Variants in LYZL2 observed in about 807,000 individuals in gnomAD.
The protein encoded by LYZL2 is lysozyme like 2.
LYZL2 carries 13 observed loss-of-function variants against 17.1 expected under a neutral mutation model. The observed-to-expected ratio is 0.76, with a 90% CI of 0.49 to 1.21. The LOEUF (loss-of-function observed/expected upper bound fraction) is 1.21, where lower values mean the gene tolerates loss of function less well. Ranked by LOEUF, LYZL2 falls within the 50% of genes most tolerant of loss-of-function variation. The probability of loss-of-function intolerance (pLI) is 0.00; values close to 1 mark genes in which losing one functional copy is unlikely to be tolerated. For missense variants in LYZL2, 166 were observed against 189.2 expected (o/e 0.88, Z 0.72); for synonymous variants, 63 against 74.4 (o/e 0.85, Z 0.79).
Position 30,626,275 on chromosome 10 carries a change from A to G in LYZL2, c.140-12T>C, listed in dbSNP as rs764006162. ...CGCCATGCAGATCCCTGGAGGGGGG[A>G]AAGCCAGAAACGCCAGCAAAGGAGG... On this transcript the variant is annotated splice_polypyrimidine_tract_variant and intron_variant, in intron 2 of 4. Coordinates refer to ENST00000647634, the MANE Select transcript of LYZL2 (RefSeq NM_183058.3). 3.1e-6 allele frequency: 5 copies of G among 1,611,984 alleles called. No homozygotes were observed. In the African/African-American group the frequency reaches 6.7e-5, roughly 22 times the overall value.
At chr10:30,623,083 G>C (rs1359339279) in intron 3 of LYZL2, among the ~76,000 whole-genome samples, 1 of 152,192 alleles carries the variant, frequency 6.6e-6, no homozygotes, top group Non-Finnish European at 1.5e-5. Flanking sequence ...AGTGATAAAA[G>C]AGTCAATTCA....
At chr10:30,609,942 A>G (rs1232981185), downstream of LYZL2, among the ~76,000 whole-genome samples, 3 of 152,172 alleles carry the variant, frequency 2.0e-5, no homozygotes, top group African/African-American at 7.2e-5. Flanking sequence ...AAAAAGATAC[A>G]TGAGTCTAAT....
In LYZL2 at chr10:30,624,522, T is replaced by C. The variant is rs1195675265; in HGVS notation, c.298+1583A>G. ...TTGCCATGGTTTTTCTATGATTTGA[T>C]CAGATCCTTGTAAGTAGAGTCTATT... On this transcript the variant is annotated intron_variant, in intron 3 of 4. Coordinates refer to ENST00000647634, the MANE Select transcript of LYZL2 (RefSeq NM_183058.3). Among the ~76,000 whole-genome samples the C allele has an allele frequency of 2.0e-5, 3 of 152,228 alleles. No homozygotes were observed. In the South Asian group the frequency reaches 6.2e-4, roughly 32 times the overall value.
At chr10:30,615,883 T>C (rs1484240018) in intron 3 of LYZL2, among the ~76,000 whole-genome samples, 1 of 46,274 alleles carries the variant, frequency 2.2e-5, no homozygotes, top group African/African-American at 1.6e-4. Flanking sequence ...ATAGCACTGG[T>C]TTAGAAAAAA....
intron 1 of LYZL2, among the ~76,000 whole-genome samples, chr10:30,629,052 G>A (rs1258088373): frequency 7.2e-5 from 11 of 152,212 alleles, no homozygotes; most frequent in Admixed American, 7.2e-4. Context: ...AGTCCGTGGT[G>A]TACAGCATTG....
At chr10:30,625,741 A>C (rs528041389) in intron 3 of LYZL2, among the ~76,000 whole-genome samples, 1 of 152,336 alleles carries the variant, frequency 6.6e-6, no homozygotes, top group East Asian at 1.9e-4. Flanking sequence ...TGCTCAAAGA[A>C]GTACAAACTG....
In LYZL2 at chr10:30,612,942, G is replaced by A. The variant is rs112918769; in HGVS notation, c.299-42C>T. 331 of 1,487,462 alleles carry A rather than the reference G, an allele frequency of 2.2e-4. 4 individuals are homozygous for A. In the African/African-American group the frequency reaches 3.8e-3, roughly 17 times the overall value. The allele number at this position is 1,487,462 out of a possible 1,614,324, so 92.1% of individuals were successfully genotyped here. On this transcript the variant is annotated intron_variant, in intron 3 of 4. Transcript: ENST00000647634. ...CATCAGGGTTAGGCGAGACTTTGTT[G>A]TTGGAGAGGGACCCCAACTCAAGTT... is the stretch of plus-strand genomic sequence containing the variant.
intron 1 of LYZL2, among the ~76,000 whole-genome samples, 175 bp from the exon 2 acceptor site, chr10:30,627,115 G>C (rs1838726262): frequency 6.6e-6 from 1 of 152,172 alleles, no homozygotes; most frequent in South Asian, 2.1e-4. Context: ...ACTGCAGGCT[G>C]TCTCCTTAAT....
At chr10:30,614,258 T>C (rs2132936102) in intron 3 of LYZL2, among the ~76,000 whole-genome samples, 1 of 152,304 alleles carries the variant, frequency 6.6e-6, no homozygotes, top group Middle Eastern at 3.4e-3. Context: ...ATGAAAGGAA[T>C]CGGCTGGGGG....
At chr10:30,629,248 G>A (rs1236798587) in intron 1 of LYZL2, among the ~76,000 whole-genome samples, 8 of 152,120 alleles carry the variant, frequency 5.3e-5, no homozygotes, top group African/African-American at 1.2e-4. Flanking sequence ...ACAAAAATTA[G>A]CCAGGCATAG....
downstream of LYZL2, among the ~76,000 whole-genome samples, chr10:30,610,122 T>TA (rs5784209): frequency 8.7e-5 from 13 of 150,270 alleles, no homozygotes; most frequent in South Asian, 2.1e-4. Flanking sequence ...GCTGATGAGC[T>TA]AAAAAAAAAA....
intron 1 of LYZL2, among the ~76,000 whole-genome samples, chr10:30,627,612 A>C (rs1264168318): frequency 6.6e-6 from 1 of 152,226 alleles, no homozygotes; most frequent in Admixed American, 6.5e-5. Context: ...TTATTGTAAG[A>C]ATCCAGTATA....
chr10:30,616,433 C>T (rs1265111988), intron 3 of LYZL2, among the ~76,000 whole-genome samples: 1 of 152,218 alleles, frequency 6.6e-6, no homozygotes, highest in African/African-American at 2.4e-5. Context: ...GCCTATAATC[C>T]CAGCACTTTG....
chr10:30,622,563 A>G (rs1446508715), intron 3 of LYZL2, among the ~76,000 whole-genome samples: 3 of 92,626 alleles, frequency 3.2e-5, no homozygotes, highest in Non-Finnish European at 7.4e-5. Context: ...AAACAAAAAA[A>G]GAAAAAAAAA....
At chr10:30,625,555 TG>T in intron 3 of LYZL2, among the ~76,000 whole-genome samples, 1 of 151,872 alleles carries the variant, frequency 6.6e-6, no homozygotes, top group African/African-American at 2.4e-5. Flanking sequence ...TAAAAATAGC[TG>T]GGCATATGCC....
intron 1 of LYZL2, 131 bp downstream of exon 1, chr10:30,629,462 C>A: frequency 1.3e-6 from 1 of 794,970 alleles, no homozygotes; most frequent in Non-Finnish European, 1.9e-6. Flanking sequence ...AGAATGTTAA[C>A]TGATCTCAAA....
chr10:30,616,083 T>C (rs1191929587), intron 3 of LYZL2, among the ~76,000 whole-genome samples: 1 of 152,258 alleles, frequency 6.6e-6, no homozygotes, highest in African/African-American at 2.4e-5. Flanking sequence ...GGCATTGTAA[T>C]TCCAAATTAT....
chr10:30,607,013 C>A (rs999521472), downstream of LYZL2, among the ~76,000 whole-genome samples: 1 of 150,914 alleles, frequency 6.6e-6, no homozygotes, highest in Non-Finnish European at 1.5e-5. Context: ...TGGATTCAAG[C>A]AATTCTCCTG....
At chr10:30,615,302 A>G (rs1250319931) in intron 3 of LYZL2, among the ~76,000 whole-genome samples, 1 of 152,244 alleles carries the variant, frequency 6.6e-6, no homozygotes, top group Non-Finnish European at 1.5e-5. Flanking sequence ...CAAATACCAC[A>G]TGATTTCACG....
Sources: gnomAD v4.1 joint callset for allele counts (sites outside exome capture counted in the v4.1 genomes callset) on GRCh38, gnomAD v4.1.1 for gene constraint, MANE v1.5 for transcripts, NCBI Gene and HGNC (gene_info 2026-07-23, HGNC 2026-07-21) for gene names.